Variants in FTO observed in about 807,000 individuals in gnomAD.
The protein encoded by FTO is alpha-ketoglutarate-dependent dioxygenase FTO.
Under a neutral mutation model 63.9 loss-of-function variants are expected in FTO, and 47 were observed. The ratio of observed to expected loss-of-function variants is 0.74; its 90% CI spans 0.58 to 0.94. The LOEUF (loss-of-function observed/expected upper bound fraction) is 0.94. FTO is among the 40% of genes least tolerant of loss of function. The pLI, the probability that FTO is intolerant of heterozygous loss-of-function variation, is 0.00. For synonymous variants in FTO, 207 were observed against 224.4 expected, an observed-to-expected ratio of 0.92 and a Z score of 0.69; for missense variants, 562 against 618.1, an observed-to-expected ratio of 0.91 and a Z score of 0.96.
intron 8 of FTO, among the ~76,000 whole-genome samples, chr16:54,084,084 T>A (rs2086208668): frequency 6.6e-6 from 1 of 152,214 alleles, no homozygotes; most frequent in South Asian, 2.1e-4. Context: ...GTGAGTATAA[T>A]GCAAATATTC....
At chr16:54,073,742 C>A (rs1278580216) in intron 8 of FTO, among the ~76,000 whole-genome samples, 1 of 151,990 alleles carries the variant, frequency 6.6e-6, no homozygotes, top group Non-Finnish European at 1.5e-5. Flanking sequence ...GCATTGCACC[C>A]AGCCCAGGAA....
intron 8 of FTO, among the ~76,000 whole-genome samples, chr16:54,100,016 G>C (rs2086602139): frequency 6.6e-6 from 1 of 152,146 alleles, no homozygotes; most frequent in African/African-American, 2.4e-5. Flanking sequence ...ACACAGTGCA[G>C]TGTTTTCACC....
chr16:53,941,157 C>G (rs773616729), intron 8 of FTO, among the ~76,000 whole-genome samples: 5 of 152,212 alleles, frequency 3.3e-5, no homozygotes, highest in Non-Finnish European at 7.3e-5. Flanking sequence ...GCAAAACCGA[C>G]AAGTCGGCAC....
At chr16:53,754,187 G>A (rs929536235) in intron 1 of FTO, among the ~76,000 whole-genome samples, 4 of 152,174 alleles carry the variant, frequency 2.6e-5, no homozygotes, top group Non-Finnish European at 4.4e-5. Flanking sequence ...TGAATGGTAT[G>A]GCATTTTTGA....
rs146180340 is a variant in FTO, at chr16:53,768,452, C to T, written c.46-41688C>T. Among the ~76,000 whole-genome samples, 45 of 152,228 alleles carry T rather than the reference C, an allele frequency of 3.0e-4. No individual in the cohort carries two copies. In the East Asian group the frequency reaches 8.5e-3, roughly 29 times the overall value. On this transcript the variant is annotated intron_variant, in intron 1 of 8. Coordinates refer to ENST00000471389, the MANE Select transcript of FTO (RefSeq NM_001080432.3). ...CAATTCGGCCTCCAGGGAGACAAAA[C>T]TAAGGGGTGGGGTTGTGGCTTTTTT...
chr16:53,740,915 T>C (rs1353301831), intron 1 of FTO, among the ~76,000 whole-genome samples: 3 of 152,196 alleles, frequency 2.0e-5, no homozygotes, highest in African/African-American at 7.2e-5. Flanking sequence ...ACATAATCAC[T>C]CCGGACATTT....
intron 8 of FTO, among the ~76,000 whole-genome samples, chr16:54,028,562 C>T (rs1388680133): frequency 1.3e-5 from 2 of 152,198 alleles, no homozygotes; most frequent in Non-Finnish European, 2.9e-5. Flanking sequence ...TTAAACGATA[C>T]TACCGATTAC....
At chr16:53,882,949 C>T (rs1389636669) in intron 6 of FTO, among the ~76,000 whole-genome samples, 36 of 152,228 alleles carry the variant, frequency 2.4e-4, no homozygotes, top group Non-Finnish European at 2.9e-5. Flanking sequence ...TGACTTGCTG[C>T]CCTTCATTGT....
At chr16:53,728,214 G>A (rs2076194816) in intron 1 of FTO, among the ~76,000 whole-genome samples, 2 of 152,050 alleles carry the variant, frequency 1.3e-5, no homozygotes, top group African/African-American at 4.8e-5. Context: ...ACTCCAGCCT[G>A]GGCAACAGTG....
At position 53,843,554 on chromosome 16, in the gene FTO, C is replaced by G. The variant is rs917676600; in HGVS notation, c.752-601C>G. On this transcript the variant is annotated intron_variant, in intron 3 of 8. Coordinates refer to ENST00000471389, the MANE Select transcript of FTO (RefSeq NM_001080432.3). ...TTTAAATTTGTCTATTGGCCTTTATCTTACTGATGTATAGTTGCTCTTTAT... is the reference window on the plus strand; with the variant it reads ...TTTAAATTTGTCTATTGGCCTTTATGTTACTGATGTATAGTTGCTCTTTAT... Among the ~76,000 whole-genome samples the G allele has an allele frequency of 1.3e-5, 2 of 152,052 alleles. 1 individual carries two copies. Among genetic ancestry groups the G allele is most frequent in the South Asian group, 4.1e-4 (2 of 4,824 alleles).
At chr16:54,073,410 G>T (rs2085916160) in intron 8 of FTO, among the ~76,000 whole-genome samples, 1 of 152,130 alleles carries the variant, frequency 6.6e-6, no homozygotes, top group Admixed American at 6.5e-5. Context: ...TCTCTCCTCA[G>T]CAAGTTTATA....
At chr16:53,880,277 A>C (rs7188247) in intron 6 of FTO, among the ~76,000 whole-genome samples, 1 of 151,892 alleles carries the variant, frequency 6.6e-6, no homozygotes, top group Non-Finnish European at 1.5e-5. Context: ...GATTACAGTC[A>C]TGAGCCACTG....
At chr16:53,937,411 C>G (rs941193652) in intron 8 of FTO, 11 of 394,938 alleles carry the variant, frequency 2.8e-5, no homozygotes, top group African/African-American at 2.1e-4. Context: ...GCCCTCTGAT[C>G]TGACCCCTTC....
intron 7 of FTO, among the ~76,000 whole-genome samples, chr16:53,927,727 A>G (rs1305193235): frequency 6.6e-6 from 1 of 152,204 alleles, no homozygotes; most frequent in Non-Finnish European, 1.5e-5. Context: ...AGAGGTGTCC[A>G]CTAATGGAGA....
intron 1 of FTO, among the ~76,000 whole-genome samples, chr16:53,747,331 T>A (rs2076673298): frequency 6.6e-6 from 1 of 152,220 alleles, no homozygotes; most frequent in African/African-American, 2.4e-5. Flanking sequence ...GGTTCCCTTT[T>A]CTCAACATCC....
chr16:54,096,584 G>A (rs372376900), intron 8 of FTO, among the ~76,000 whole-genome samples: 4 of 152,180 alleles, frequency 2.6e-5, no homozygotes, highest in African/African-American at 9.7e-5. Context: ...GACACATATC[G>A]CTCAGAGGAT....
intron 8 of FTO, among the ~76,000 whole-genome samples, chr16:54,004,358 A>G (rs1599183609): frequency 6.6e-6 from 1 of 151,790 alleles, no homozygotes; most frequent in East Asian, 1.9e-4. Context: ...GACCCACTGC[A>G]CTGCAGCCTG....
intron 8 of FTO, among the ~76,000 whole-genome samples, chr16:54,028,265 G>C (rs1429637054): frequency 6.6e-6 from 1 of 152,084 alleles, no homozygotes; most frequent in African/African-American, 2.4e-5. Flanking sequence ...CCACCAGTTG[G>C]GTAGCTTCAC....
At chr16:53,843,680 T>C (rs6499653) in intron 3 of FTO, among the ~76,000 whole-genome samples, 100,285 of 152,036 alleles carry the variant, frequency 0.66, 33,970 homozygotes, top group Non-Finnish European at 0.75. Context: ...ATCTAAAAAA[T>C]GATCCCTTTG....
Sources: gnomAD v4.1 joint callset for allele counts (sites outside exome capture counted in the v4.1 genomes callset) on GRCh38, gnomAD v4.1.1 for gene constraint, MANE v1.5 for transcripts, NCBI Gene and HGNC (gene_info 2026-07-23, HGNC 2026-07-21) for gene names.